The following TANGO6 variants were observed in gnomAD, a reference collection of about 807,000 sequenced individuals.
TANGO6 encodes the protein transport and Golgi organization protein 6 homolog.
Under a neutral mutation model 114.2 loss-of-function variants are expected in TANGO6, and 90 were observed. The ratio of observed to expected loss-of-function variants is 0.79; its 90% CI spans 0.66 to 0.94. The LOEUF (loss-of-function observed/expected upper bound fraction) is 0.94, where lower values mean the gene tolerates loss of function less well. TANGO6 is among the 40% of genes least tolerant of loss of function. The pLI, the probability that TANGO6 is intolerant of heterozygous loss-of-function variation, is 0.00. For missense variants in TANGO6, 1,274 were observed against 1,315.3 expected (o/e 0.97, Z 0.49); for synonymous variants, 477 against 509.8 (o/e 0.94, Z 0.87).
rs557965770 is a variant in TANGO6, at chr16:68,855,489, C to T, written c.95-4395C>T. Among the ~76,000 whole-genome samples the T allele has an allele frequency of 7.1e-4, 107 of 150,690 alleles. 1 individual carries two copies. The highest frequency in any genetic ancestry group is 2.6e-3 in the African/African-American group (106 of 41,002). On this transcript the variant is annotated intron_variant, in intron 1 of 17. Coordinates refer to ENST00000261778, the MANE Select transcript of TANGO6 (RefSeq NM_024562.2). ...CCCAGCTACTGGGGAGGCTGAGGCACGAGAATTGCTTGAACCCAGGAGGCA... is the reference window on the plus strand; with the variant it reads ...CCCAGCTACTGGGGAGGCTGAGGCATGAGAATTGCTTGAACCCAGGAGGCA...
chr16:68,984,491 T>A (rs1173203894), intron 15 of TANGO6, among the ~76,000 whole-genome samples: 1 of 152,034 alleles, frequency 6.6e-6, no homozygotes, highest in Non-Finnish European at 1.5e-5. Flanking sequence ...GTCTATAGAT[T>A]GAACTATACT....
chr16:68,880,539 A>C lies in TANGO6; in HGVS notation c.1295-9A>C, dbSNP rs1962443818. ...TAAATATGGGTAATTTTGTGTGTTT[A>C]TTTTCTAGAGCTTTCAGAGAGTGAC... On this transcript the variant is annotated splice_polypyrimidine_tract_variant and intron_variant, in intron 6 of 17. Coordinates refer to ENST00000261778, the MANE Select transcript of TANGO6 (RefSeq NM_024562.2). The C allele has an allele frequency of 1.5e-5, 24 of 1,607,778 alleles. No homozygotes were observed. The highest frequency in any genetic ancestry group is 2.0e-5 in the Non-Finnish European group (24 of 1,177,516).
chr16:68,866,950 A>G (rs896836028), intron 3 of TANGO6, 129 bp from the exon 4 acceptor site: 6 of 921,308 alleles, frequency 6.5e-6, no homozygotes, highest in Non-Finnish European at 4.6e-6. Context: ...TAAATAAATA[A>G]GTCTGCATAT....
intron 17 of TANGO6, among the ~76,000 whole-genome samples, chr16:69,080,954 C>T (rs1196004504): frequency 3.3e-5 from 5 of 151,970 alleles, no homozygotes; most frequent in South Asian, 4.2e-4. Context: ...CTGGCTAACA[C>T]GGTGAAACCC....
intron 7 of TANGO6, among the ~76,000 whole-genome samples, chr16:68,885,034 G>T (rs934940944): frequency 2.0e-5 from 3 of 152,192 alleles, no homozygotes; most frequent in Admixed American, 6.5e-5. Context: ...GTGTATGTTG[G>T]AGGAAAATGG....
rs1962071483 is a variant in TANGO6 at position 68,860,282 on chromosome 16, G to T, written c.493G>T (p.Val165Phe). The change falls in exon 2 of 18, where the codon GTT becomes TTT. Residue 165 changes from valine (V) to phenylalanine (F), a missense_variant. By Grantham distance (50) the Val-to-Phe change is conservative. This residue lies in a region of TANGO6 where 908 missense variants were observed against 910.2 expected (regional missense o/e 1.00). Transcript: ENST00000261778. ...TATCTGCCCCTATCTCATGCCTGGT[G>T]TTGGAGTCCCTTTGAGATATAGAAC... ...LGICPYLMPGVGVPLRYRTEF... is the reference protein window; with the variant it reads ...LGICPYLMPGFGVPLRYRTEF... 2 of 1,613,978 alleles carry T rather than the reference G, an allele frequency of 1.2e-6. No homozygotes were observed. The highest frequency in any genetic ancestry group is 1.7e-6 in the Non-Finnish European group (2 of 1,179,896).
chr16:68,923,111 C>T (rs1225337317), intron 12 of TANGO6, among the ~76,000 whole-genome samples: 1 of 150,130 alleles, frequency 6.7e-6, no homozygotes, highest in Non-Finnish European at 1.5e-5. Context: ...CCACGCCCGG[C>T]TCATTTTGTA....
intron 1 of TANGO6, among the ~76,000 whole-genome samples, chr16:68,859,078 A>T (rs780250213): frequency 2.6e-5 from 4 of 152,196 alleles, no homozygotes; most frequent in Non-Finnish European, 5.9e-5. Context: ...GATGTGGTTA[A>T]ATTAATGTTT....
intron 14 of TANGO6, among the ~76,000 whole-genome samples, chr16:68,962,490 A>G (rs1430110790): frequency 6.6e-6 from 1 of 152,162 alleles, no homozygotes. Flanking sequence ...AAATGAACTT[A>G]TTTTTATTGA....
chr16:69,033,068 C>T (rs1413482001), intron 16 of TANGO6, among the ~76,000 whole-genome samples: 1 of 151,538 alleles, frequency 6.6e-6, no homozygotes. Flanking sequence ...CACCTGTAAT[C>T]CCAGCTACTC....
intron 7 of TANGO6, among the ~76,000 whole-genome samples, chr16:68,882,942 C>T (rs906482205): frequency 5.9e-5 from 9 of 151,920 alleles, no homozygotes; most frequent in East Asian, 1.9e-4. Context: ...CACTTGAACC[C>T]GGGAGGCGGA....
chr16:68,877,821 G>A (rs1962390384), intron 5 of TANGO6, among the ~76,000 whole-genome samples: 4 of 151,996 alleles, frequency 2.6e-5, no homozygotes, highest in Admixed American at 2.6e-4. Context: ...TGTTAGCCAG[G>A]ATGGTCTCGA....
At chr16:69,058,142 A>G (rs963830489) in intron 17 of TANGO6, among the ~76,000 whole-genome samples, 1 of 152,098 alleles carries the variant, frequency 6.6e-6, no homozygotes, top group African/African-American at 2.4e-5. Context: ...TCTTTGCTCC[A>G]TCCTCTGAAA....
intron 14 of TANGO6, among the ~76,000 whole-genome samples, chr16:68,958,502 A>AC (rs1386915743): frequency 6.6e-6 from 1 of 150,770 alleles, no homozygotes; most frequent in East Asian, 1.9e-4. Context: ...AAAAAAAAAA[A>AC]AAAAGAGAGA....
At chr16:68,917,493 A>T (rs1220151795) in intron 11 of TANGO6, among the ~76,000 whole-genome samples, 1 of 152,208 alleles carries the variant, frequency 6.6e-6, no homozygotes, top group East Asian at 1.9e-4. Context: ...TGTCTGCCTA[A>T]GTGGCTGTAC....
At position 68,927,608 on chromosome 16, in the gene TANGO6, C is replaced by G. The variant is rs751148637; in HGVS notation, c.2168C>G (p.Pro723Arg). 1.9e-6 allele frequency: 3 copies of G among 1,613,782 alleles called. No individual in the cohort carries two copies. The highest frequency in any genetic ancestry group is 2.5e-6 in the Non-Finnish European group (3 of 1,179,872). ...SDFAVLKQLL[P>R]LLEKVSNTYP... Reference sequence around the variant, plus strand: ...TTTGCTGTTCTGAAGCAGTTGTTGCCTCTGTTGGAGAAGGTATCCAACACA... The same window carrying G: ...TTTGCTGTTCTGAAGCAGTTGTTGCGTCTGTTGGAGAAGGTATCCAACACA... The change falls in exon 13 of 18, where the codon CCT becomes CGT. Residue 723 changes from proline to arginine, a missense_variant. Physicochemically the swap from Pro to Arg is moderately radical, Grantham distance 103. Transcript: ENST00000261778.
chr16:69,055,405 TC>T, intron 17 of TANGO6, among the ~76,000 whole-genome samples: 1 of 152,338 alleles, frequency 6.6e-6, no homozygotes, highest in Admixed American at 6.5e-5. Context: ...CTGGCTTTCT[TC>T]CTGTGGCAGC....
chr16:69,026,006 T>C (rs545767543), intron 16 of TANGO6: 2 of 155,416 alleles, frequency 1.3e-5, no homozygotes, highest in East Asian at 3.7e-4. Flanking sequence ...CTTTTTCTTT[T>C]TTTTTTTTTT....
intron 14 of TANGO6, among the ~76,000 whole-genome samples, chr16:68,946,977 C>T (rs1261739347): frequency 1.3e-5 from 2 of 152,136 alleles, no homozygotes; most frequent in African/African-American, 2.4e-5. Flanking sequence ...GAGATATCCC[C>T]ATTTTATAGG....
Sources: allele counts gnomAD v4.1 joint callset (sites outside exome capture counted in the v4.1 genomes callset), GRCh38; gene constraint gnomAD v4.1.1; regional missense constraint gnomAD v4.1.1; transcripts MANE v1.5; gene names NCBI Gene and HGNC (gene_info 2026-07-23, HGNC 2026-07-21).